The following GFOD1 variants were observed in gnomAD, a reference collection of about 807,000 sequenced individuals.
The protein encoded by GFOD1 is glucose-fructose oxidoreductase domain-containing protein 1.
A neutral mutation model predicts 25.4 loss-of-function variants in GFOD1; 9 were observed. The ratio of observed to expected loss-of-function variants is 0.35; its 90% CI spans 0.21 to 0.62. GFOD1 has a LOEUF of 0.62. GFOD1 is among the 20% of genes least tolerant of loss of function. The pLI is 0.72. For missense variants in GFOD1, 403 were observed against 556.9 expected (o/e 0.72, Z 2.78); for synonymous variants, 253 against 245.6 (o/e 1.03, Z -0.28).
At chr6:13,399,876 T>C (rs1300377691) in intron 1 of GFOD1, among the ~76,000 whole-genome samples, 1 of 152,218 alleles carries the variant, frequency 6.6e-6, no homozygotes, top group African/African-American at 2.4e-5. Flanking sequence ...TTAAAATAGG[T>C]ACATTTTATT....
intron 1 of GFOD1, among the ~76,000 whole-genome samples, chr6:13,384,085 G>A (rs577269861): frequency 6.6e-6 from 1 of 152,058 alleles, no homozygotes; most frequent in Non-Finnish European, 1.5e-5. Context: ...AAATTAGCTG[G>A]GTATGGTGGC....
chr6:13,386,740 G>A (rs7770078), intron 1 of GFOD1, among the ~76,000 whole-genome samples: 65,935 of 151,986 alleles, frequency 0.43, 16,643 homozygotes, highest in East Asian at 0.68. Flanking sequence ...CCCTGGTCTC[G>A]TGTCCCAGTC....
intron 1 of GFOD1, among the ~76,000 whole-genome samples, chr6:13,390,818 A>AGGAAGGAG (rs935647754): frequency 1.3e-5 from 2 of 151,412 alleles, no homozygotes; most frequent in African/African-American, 4.9e-5. Flanking sequence ...GAAGGAAGGA[A>AGGAAGGAG]GGAAGGAAGG....
intron 1 of GFOD1, among the ~76,000 whole-genome samples, chr6:13,483,413 C>A (rs1397833264): frequency 1.3e-5 from 2 of 152,290 alleles, no homozygotes; most frequent in African/African-American, 4.8e-5. Flanking sequence ...GGACGTGAGG[C>A]TGGGCTCACT....
rs142281178 is a variant in GFOD1 at position 13,430,386 on chromosome 6, G to A, written c.253+56252C>T. ...TGGGAGGCAGAGGTTGCAGTGATCC[G>A]AGATCACACCACTGCACTCCAGCCT... On this transcript the variant is annotated intron_variant, in intron 1 of 1. Transcript: ENST00000379287. The surrounding 1 kb of genome is among the most constrained non-coding windows in gnomAD (Gnocchi z 4.1). 0.053 allele frequency among the ~76,000 whole-genome samples: 8,132 copies of A among 152,050 alleles called. 275 individuals carry two copies. The highest frequency in any genetic ancestry group is 0.088 in the African/African-American group (3,654 of 41,432).
At chr6:13,373,237 G>A (rs909231656) in intron 1 of GFOD1, among the ~76,000 whole-genome samples, 3 of 152,202 alleles carry the variant, frequency 2.0e-5, no homozygotes, top group Admixed American at 6.5e-5. Flanking sequence ...CTGCCCAACC[G>A]ATTTGGGCAT....
rs1036864405 is a variant in GFOD1 at position 13,361,061 on chromosome 6, T to G, written c.*3682A>C. On this transcript the variant is annotated 3_prime_UTR_variant, in exon 2 of 2. Coordinates refer to ENST00000379287, the MANE Select transcript of GFOD1 (RefSeq NM_018988.4). ...TTTTTATGGATTGTATGAGATAACA[T>G]ACTTAAAATACTCTGCACACAGTGG... 6 of 356,704 alleles carry G rather than the reference T, an allele frequency of 1.7e-5. No individual in the cohort carries two copies. The highest frequency in any genetic ancestry group is 2.8e-5 in the Non-Finnish European group (5 of 180,298). 22.1% of individuals were successfully genotyped at this position (356,704 alleles called of 1,614,324 possible).
At chr6:13,449,872 T>G (rs758787025) in intron 1 of GFOD1, among the ~76,000 whole-genome samples, 6 of 152,206 alleles carry the variant, frequency 3.9e-5, no homozygotes, top group Non-Finnish European at 8.8e-5. Context: ...CATGAAAACA[T>G]ACTAATACAC....
intron 1 of GFOD1, among the ~76,000 whole-genome samples, chr6:13,376,551 C>A (rs778385399): frequency 3.3e-5 from 5 of 152,046 alleles, no homozygotes; most frequent in African/African-American, 4.8e-5. Flanking sequence ...GAGGAAAAAG[C>A]AGAATGCCAA....
chr6:13,478,978 T>A (rs778237043), intron 1 of GFOD1, among the ~76,000 whole-genome samples: 2 of 151,590 alleles, frequency 1.3e-5, no homozygotes, highest in Non-Finnish European at 2.9e-5. Context: ...TCAGTACCTT[T>A]GAGTGATCAC....
chr6:13,486,790 C>A lies in GFOD1; in HGVS notation c.101G>T (p.Arg34Leu), dbSNP rs1434180584. ...CAGCTCCTCCGCTTCTTCCTGCGTG[C>A]GGCCCCACAGCGCCTTCACCGCGAA... The part of the protein sequence containing the change: ...EGFAVKALWG[R>L]TQEEAEELAK... The change falls in exon 1 of 2, where the codon CGC (arginine) becomes CTC (leucine). Residue 34 changes from arginine to leucine, a missense_variant. Coordinates refer to ENST00000379287, the MANE Select transcript of GFOD1 (RefSeq NM_018988.4). The A allele has an allele frequency of 9.3e-6, 15 of 1,613,994 alleles. No homozygotes were observed. Among genetic ancestry groups the A allele is most frequent in the African/African-American group, 1.3e-5 (1 of 74,914 alleles).
Position 13,363,390 on chromosome 6 carries a change from C to T in GFOD1, c.*1353G>A, listed in dbSNP as rs1160451970. On this transcript the variant is annotated 3_prime_UTR_variant, in exon 2 of 2. Transcript: ENST00000379287. ...AAGAACATGTTTTTTCCAACATTAG[C>T]CTTTTCAAGCCTAAGTATGGCCCCT... 1.3e-5 allele frequency: 2 copies of T among 152,086 alleles called. No homozygotes were observed. Among genetic ancestry groups the T allele is most frequent in the African/African-American group, 2.4e-5 (1 of 41,396 alleles). 9.4% of individuals were successfully genotyped at this position (152,086 alleles called of 1,614,324 possible). A position where few individuals can be genotyped will look rare whatever the true frequency, so the allele number is the denominator to read the frequency against.
In GFOD1 at chr6:13,365,907, A is replaced by G. The variant is rs931365044; in HGVS notation, c.254-245T>C. Among the ~76,000 whole-genome samples, 1 of 146,980 alleles carries G rather than the reference A, an allele frequency of 6.8e-6. No individual in the cohort carries two copies. The highest frequency in any genetic ancestry group is 2.5e-5 in the African/African-American group (1 of 40,250). ...AATAATAATAATAATAATAATAATA[A>G]TAATAATAATAATAATGAGCCGGGC... On this transcript the variant is annotated intron_variant, in intron 1 of 1. Coordinates refer to ENST00000379287, the MANE Select transcript of GFOD1 (RefSeq NM_018988.4). This position sits in a 1 kb window ranked among gnomAD's most constrained non-coding sequence, Gnocchi z 9.2.
At position 13,430,549 on chromosome 6, in the gene GFOD1, G is replaced by A. The variant is rs924119774; in HGVS notation, c.253+56089C>T. On this transcript the variant is annotated intron_variant, in intron 1 of 1. Transcript: ENST00000379287. The surrounding 1 kb of genome is among the most constrained non-coding windows in gnomAD (Gnocchi z 4.1). ...GCATCAAGCATAAACAGAGTGCAGG[G>A]ATTGGCCACAGTGTTATCCATATTC... Among the ~76,000 whole-genome samples, 1 of 152,216 alleles carries A rather than the reference G, an allele frequency of 6.6e-6. No homozygotes were observed.
At chr6:13,476,043 A>G (rs1758617386) in intron 1 of GFOD1, among the ~76,000 whole-genome samples, 1 of 152,224 alleles carries the variant, frequency 6.6e-6, no homozygotes, top group African/African-American at 2.4e-5. Context: ...TAGTTTCTTA[A>G]AAAGTTAAAT....
intron 1 of GFOD1, chr6:13,469,207 A>G: frequency 2.0e-6 from 2 of 982,848 alleles, no homozygotes; most frequent in South Asian, 9.4e-5. Context: ...CCCTGTTGGT[A>G]ACAGCACCAC....
intron 1 of GFOD1, among the ~76,000 whole-genome samples, chr6:13,423,966 C>T (rs1399074817): frequency 3.9e-5 from 6 of 152,140 alleles, no homozygotes; most frequent in Admixed American, 6.5e-5. Context: ...TCAAGTGATT[C>T]TCCTGCCTCG....
At chr6:13,420,674 TA>T (rs1786240447) in intron 1 of GFOD1, among the ~76,000 whole-genome samples, 1 of 152,230 alleles carries the variant, frequency 6.6e-6, no homozygotes, top group Admixed American at 6.5e-5. Flanking sequence ...GTCTCTAGAA[TA>T]AACTGCCAGG....
intron 1 of GFOD1, among the ~76,000 whole-genome samples, chr6:13,454,903 C>T (rs1048680720): frequency 6.6e-6 from 1 of 152,150 alleles, no homozygotes; most frequent in Non-Finnish European, 1.5e-5. Flanking sequence ...CTTCAGACCC[C>T]AGGATATTAG....
Sources: allele counts gnomAD v4.1 joint callset (sites outside exome capture counted in the v4.1 genomes callset), GRCh38; gene constraint gnomAD v4.1.1; non-coding constraint Gnocchi (gnomAD v3.1); transcripts MANE v1.5; gene names NCBI Gene and HGNC (gene_info 2026-07-23, HGNC 2026-07-21).